CHD7: variants seen among roughly 807,000 people sequenced by gnomAD.
The protein encoded by CHD7 is chromodomain helicase DNA binding protein 7.
A neutral mutation model predicts 307.3 loss-of-function variants in CHD7; 24 were observed. That is an observed-to-expected ratio of 0.08 (90% CI 0.06 to 0.11). CHD7 has a LOEUF of 0.11. Ranked by LOEUF, CHD7 falls within the 10% of genes least tolerant of loss-of-function variation. CHD7 has a pLI of 1.00. For missense variants in CHD7, 3,106 were observed against 3,727.1 expected, an observed-to-expected ratio of 0.83 and a Z score of 4.34; for synonymous variants, 1,363 against 1,349.9, an observed-to-expected ratio of 1.01 and a Z score of -0.21.
chr8:60,861,335 T>C (rs532354142), intron 35 of CHD7: 3 of 517,824 alleles, frequency 5.8e-6, no homozygotes, highest in African/African-American at 3.8e-5. Context: ...CTTACAGTTA[T>C]TTGAAGATGC....
At chr8:60,803,906 G>A (rs186464758) in intron 6 of CHD7, among the ~76,000 whole-genome samples, 18 of 152,338 alleles carry the variant, frequency 1.2e-4, no homozygotes, top group Non-Finnish European at 2.1e-4. Flanking sequence ...TTGGCAGTGA[G>A]AAGGTGTCTT....
intron 32 of CHD7, among the ~76,000 whole-genome samples, chr8:60,854,810 AC>A (rs938064629): frequency 2.0e-5 from 3 of 152,180 alleles, no homozygotes; most frequent in African/African-American, 7.2e-5. Flanking sequence ...TAGGTTACTT[AC>A]CCCCGTTGTC....
At chr8:60,752,543 A>C (rs943262890) in intron 2 of CHD7, among the ~76,000 whole-genome samples, 3 of 152,224 alleles carry the variant, frequency 2.0e-5, no homozygotes, top group African/African-American at 7.2e-5. Context: ...AGAACTTTAG[A>C]TCATTCTTTT....
chr8:60,728,599 C>T (rs1472737646), intron 1 of CHD7, among the ~76,000 whole-genome samples: 3 of 152,134 alleles, frequency 2.0e-5, no homozygotes, highest in African/African-American at 7.2e-5. Context: ...GATCTCGGCT[C>T]ACTGCAACGA....
At chr8:60,743,716 T>C (rs367594627) in intron 2 of CHD7, among the ~76,000 whole-genome samples, 3 of 152,244 alleles carry the variant, frequency 2.0e-5, no homozygotes, top group Non-Finnish European at 4.4e-5. Flanking sequence ...TCTTCCTTTT[T>C]TGTAAGCTGA....
intron 6 of CHD7, among the ~76,000 whole-genome samples, 196 bp downstream of exon 6, chr8:60,801,789 AG>A (rs1812328414): frequency 6.6e-6 from 1 of 152,246 alleles, no homozygotes; most frequent in Non-Finnish European, 1.5e-5. Flanking sequence ...TATATCAAGC[AG>A]TCAGTGCTTT....
chr8:60,829,458 G>A (rs186503752), intron 14 of CHD7, among the ~76,000 whole-genome samples: 240 of 152,166 alleles, frequency 1.6e-3, no homozygotes, highest in African/African-American at 5.4e-3. Context: ...AAAATTAGCC[G>A]GGCGTGGTGG....
chr8:60,741,478 A>T lies in CHD7; in HGVS notation c.46A>T (p.Ile16Phe). The change falls in exon 2 of 38, where the codon ATT becomes TTT. Residue 16 changes from isoleucine (I) to phenylalanine (F), a missense_variant. Physicochemically the swap from Ile to Phe is conservative, Grantham distance 21. Around this residue, in one of 10 missense-constraint regions of CHD7, gnomAD observed 998 missense variants for 1,004.5 expected, o/e 0.99. Coordinates refer to ENST00000423902, the MANE Select transcript of CHD7 (RefSeq NM_017780.4). ...GAGTCTTTTTGGCGAGGATGGGAAT[A>T]TTTTCAGTGAAGGTCTTGAAGGCCT... is the stretch of plus-strand genomic sequence containing the variant. ...MMSLFGEDGN[I>F]FSEGLEGLGE... is the part of the protein sequence containing the mutation. 1 of 1,612,024 alleles carries T rather than the reference A, an allele frequency of 6.2e-7. No individual in the cohort carries two copies. Among genetic ancestry groups the T allele is most frequent in the East Asian group, 2.2e-5 (1 of 44,842 alleles).
intron 1 of CHD7, among the ~76,000 whole-genome samples, chr8:60,737,430 A>G (rs16926446): frequency 0.032 from 4,938 of 152,226 alleles, 283 homozygotes; most frequent in African/African-American, 0.11. Flanking sequence ...TGTTTTGTAG[A>G]AGAAGTTTAC....
At chr8:60,687,025 C>A (rs1363261764) in intron 1 of CHD7, among the ~76,000 whole-genome samples, 1 of 152,220 alleles carries the variant, frequency 6.6e-6, no homozygotes, top group Non-Finnish European at 1.5e-5. Flanking sequence ...AAAGGCTTTT[C>A]CTGCCTCAGC....
At chr8:60,837,040 T>C (rs774378351) in intron 17 of CHD7, 28 bp downstream of exon 17, 32 of 1,550,548 alleles carry the variant, frequency 2.1e-5, no homozygotes, top group Non-Finnish European at 2.7e-5. Flanking sequence ...TCCTGATGCC[T>C]TTAAAAAGGA....
chr8:60,790,318 C>T (rs1811711545), intron 3 of CHD7, among the ~76,000 whole-genome samples: 1 of 152,120 alleles, frequency 6.6e-6, no homozygotes, highest in African/African-American at 2.4e-5. Flanking sequence ...CTGTGTCTCT[C>T]TAGCTTCTCT....
At chr8:60,781,580 C>CCT in intron 3 of CHD7, 150 bp downstream of exon 3, 1 of 1,201,448 alleles carries the variant, frequency 8.3e-7, no homozygotes, top group South Asian at 2.0e-5. Context: ...AACTAAAAAG[C>CCT]TAAGGCTTTT....
At chr8:60,747,132 A>G (rs567072489) in intron 2 of CHD7, among the ~76,000 whole-genome samples, 1 of 152,220 alleles carries the variant, frequency 6.6e-6, no homozygotes, top group African/African-American at 2.4e-5. Context: ...GCTAGAGGGC[A>G]GTGGCGCGTT....
intron 15 of CHD7, among the ~76,000 whole-genome samples, chr8:60,834,681 G>T (rs2150773074): frequency 6.6e-6 from 1 of 152,310 alleles, no homozygotes; most frequent in African/African-American, 2.4e-5. Context: ...AGTGTATTTT[G>T]TGGAAGGCCT....
At chr8:60,707,634 T>C (rs1762400940) in intron 1 of CHD7, among the ~76,000 whole-genome samples, 1 of 152,254 alleles carries the variant, frequency 6.6e-6, no homozygotes, top group African/African-American at 2.4e-5. Context: ...ACTTGTTTAC[T>C]TTTAATTTAT....
Position 60,845,312 on chromosome 8 carries a change from C to T in CHD7, c.5113C>T (p.Pro1705Ser). Residue 1705 changes from proline (P) to serine (S), a missense_variant, in exon 23 of 38, where the codon CCG becomes TCG. By Grantham distance (74) the Pro-to-Ser change is moderately conservative. Around this residue, in one of 10 missense-constraint regions of CHD7, gnomAD observed 1,030 missense variants for 1,165.4 expected, o/e 0.88. Transcript: ENST00000423902. The stretch of plus-strand genomic sequence containing the variant: ...GAAGGTGAAAGCCCAGAGCACACAG[C>T]CGGTGGTGCAGGATGCCGACTGGCT... ...GKKVKAQSTQ[P>S]VVQDADWLAS... is the part of the protein sequence containing the mutation. 2 of 1,614,008 alleles carry T rather than the reference C, an allele frequency of 1.2e-6. No individual in the cohort carries two copies. The highest frequency in any genetic ancestry group is 1.7e-6 in the Non-Finnish European group (2 of 1,179,878).
chr8:60,805,590 G>A (rs2150718469), intron 6 of CHD7, among the ~76,000 whole-genome samples: 1 of 152,306 alleles, frequency 6.6e-6, no homozygotes, highest in South Asian at 2.1e-4. Flanking sequence ...ACAGATGGCT[G>A]TAAGAGTCAG....
At chr8:60,733,391 C>T (rs1436345201) in intron 1 of CHD7, among the ~76,000 whole-genome samples, 1 of 152,144 alleles carries the variant, frequency 6.6e-6, no homozygotes, top group East Asian at 1.9e-4. Flanking sequence ...GAATGTGTGC[C>T]CATCTGTTCC....
Sources: gnomAD v4.1 joint callset for allele counts (sites outside exome capture counted in the v4.1 genomes callset) on GRCh38, gnomAD v4.1.1 for gene constraint, gnomAD v4.1.1 regional missense constraint, MANE v1.5 for transcripts, NCBI Gene and HGNC (gene_info 2026-07-23, HGNC 2026-07-21) for gene names.